The following KCNIP4 variants were observed in gnomAD, a reference collection of about 807,000 sequenced individuals.
KCNIP4 encodes the protein potassium voltage-gated channel interacting protein 4.
Under a neutral mutation model 34.0 loss-of-function variants are expected in KCNIP4, and 12 were observed. That is an observed-to-expected ratio of 0.35 (90% CI 0.23 to 0.57). KCNIP4 has a LOEUF of 0.57. KCNIP4 is among the 20% of genes least tolerant of loss of function. KCNIP4 has a pLI of 0.83. For synonymous variants in KCNIP4, 124 were observed against 102.2 expected, an observed-to-expected ratio of 1.21 and a Z score of -1.29; for missense variants, 238 against 311.7, an observed-to-expected ratio of 0.76 and a Z score of 1.78.
At chr4:21,902,526 A>G (rs187665250) in intron 1 of KCNIP4, among the ~76,000 whole-genome samples, 101 of 152,222 alleles carry the variant, frequency 6.6e-4, no homozygotes, top group Non-Finnish European at 1.2e-3. Context: ...GGAAAGAGAC[A>G]TTCCAGCTGA....
chr4:20,843,261 C>T (rs1197981910), intron 3 of KCNIP4, among the ~76,000 whole-genome samples: 1 of 152,086 alleles, frequency 6.6e-6, no homozygotes, highest in Non-Finnish European at 1.5e-5. Flanking sequence ...AAAATAATCT[C>T]TCCACACAGA....
intron 1 of KCNIP4, among the ~76,000 whole-genome samples, chr4:21,377,633 T>C (rs932885059): frequency 6.6e-6 from 1 of 152,196 alleles, no homozygotes; most frequent in Non-Finnish European, 1.5e-5. Context: ...GGTACATCAT[T>C]CTGCCTCATT....
At chr4:21,792,850 T>C (rs1720387073) in intron 1 of KCNIP4, among the ~76,000 whole-genome samples, 1 of 152,272 alleles carries the variant, frequency 6.6e-6, no homozygotes, top group Admixed American at 6.5e-5. Context: ...GAAGCATCCA[T>C]AGTTTCCTAT....
intron 1 of KCNIP4, among the ~76,000 whole-genome samples, chr4:21,356,255 C>T (rs150321404): frequency 1.3e-5 from 2 of 152,164 alleles, no homozygotes; most frequent in Admixed American, 6.5e-5. Context: ...CTTTGAAAAC[C>T]AGCATAAGAC....
At chr4:21,940,076 C>A (rs1466573400) in intron 1 of KCNIP4, among the ~76,000 whole-genome samples, 1 of 152,130 alleles carries the variant, frequency 6.6e-6, no homozygotes, top group Non-Finnish European at 1.5e-5. Flanking sequence ...ACTCTCCAAG[C>A]TTCCAAATCA....
intron 1 of KCNIP4, among the ~76,000 whole-genome samples, chr4:21,227,954 T>C (rs938330974): frequency 6.6e-6 from 1 of 152,216 alleles, no homozygotes; most frequent in African/African-American, 2.4e-5. Flanking sequence ...TTATTTTTTT[T>C]CTGTCCAATT....
At chr4:20,857,970 AGGCCGACG>A (rs1400185634) in intron 2 of KCNIP4, among the ~76,000 whole-genome samples, 1 of 151,944 alleles carries the variant, frequency 6.6e-6, no homozygotes, top group Admixed American at 6.6e-5. Context: ...GCACTTTGAG[AGGCCGACG>A]TGGGTGGATC....
Position 21,370,086 on chromosome 4 carries a change from C to T in KCNIP4, c.62-487377G>A, listed in dbSNP as rs939274951. On this transcript the variant is annotated intron_variant, in intron 1 of 8. Coordinates refer to ENST00000382152, the MANE Select transcript of KCNIP4 (RefSeq NM_025221.6). The stretch of plus-strand genomic sequence containing the variant: ...TCGTGATCCTCCCACCTCGGCCTCC[C>T]GAAGTGCTGGGATTACAGGCTTGAG... Among the ~76,000 whole-genome samples, 7 of 147,398 alleles carry T rather than the reference C, an allele frequency of 4.7e-5. 2 individuals carry two copies. The highest frequency in any genetic ancestry group is 1.1e-4 in the African/African-American group (4 of 37,000).
intron 1 of KCNIP4, among the ~76,000 whole-genome samples, chr4:20,957,637 G>A (rs986228130): frequency 6.6e-6 from 1 of 152,000 alleles, no homozygotes; most frequent in Non-Finnish European, 1.5e-5. Flanking sequence ...ATTCATTTCA[G>A]TGCCCATGAC....
intron 1 of KCNIP4, among the ~76,000 whole-genome samples, chr4:21,487,845 T>C (rs1352481406): frequency 2.0e-5 from 3 of 152,156 alleles, no homozygotes; most frequent in African/African-American, 7.2e-5. Flanking sequence ...TTGGCATCAT[T>C]GTAGATTTTT....
intron 1 of KCNIP4, among the ~76,000 whole-genome samples, chr4:21,752,664 G>A (rs1334540985): frequency 1.3e-5 from 2 of 152,160 alleles, no homozygotes; most frequent in East Asian, 1.9e-4. Flanking sequence ...TCAGAGGGTT[G>A]GGACTGATAT....
At chr4:21,623,872 G>T (rs746825048) in intron 1 of KCNIP4, among the ~76,000 whole-genome samples, 1 of 152,166 alleles carries the variant, frequency 6.6e-6, no homozygotes, top group Non-Finnish European at 1.5e-5. Flanking sequence ...GTTCTTTCTT[G>T]TTGGAGCAGC....
chr4:21,477,119 C>A (rs925508644), intron 1 of KCNIP4, among the ~76,000 whole-genome samples: 1 of 152,110 alleles, frequency 6.6e-6, no homozygotes, highest in Non-Finnish European at 1.5e-5. Flanking sequence ...AGTTCTGATC[C>A]ATGGGTTGAG....
intron 1 of KCNIP4, among the ~76,000 whole-genome samples, chr4:21,376,124 C>A (rs543064189): frequency 2.0e-5 from 3 of 152,116 alleles, no homozygotes; most frequent in African/African-American, 4.8e-5. Flanking sequence ...ATATCTTCTG[C>A]CTAAATTATT....
chr4:21,418,096 A>T (rs1725129371), intron 1 of KCNIP4, among the ~76,000 whole-genome samples: 2 of 152,196 alleles, frequency 1.3e-5, no homozygotes, highest in Middle Eastern at 3.4e-3. Flanking sequence ...TAGCCAGATA[A>T]CTTAAGTCTG....
chr4:21,233,088 A>T (rs1758916387), intron 1 of KCNIP4, among the ~76,000 whole-genome samples: 1 of 152,186 alleles, frequency 6.6e-6, no homozygotes, highest in Admixed American at 6.6e-5. Flanking sequence ...AAAACGGGTC[A>T]CTTGCTAGGT....
intron 1 of KCNIP4, chr4:21,730,203 A>C (rs1715487914): frequency 1.3e-5 from 2 of 152,210 alleles, no homozygotes; most frequent in African/African-American, 2.4e-5. Context: ...CTGGCTCAGT[A>C]TCACCCAGTG....
intron 1 of KCNIP4, among the ~76,000 whole-genome samples, chr4:21,382,205 T>C (rs62294136): frequency 0.017 from 2,596 of 152,240 alleles, 37 homozygotes; most frequent in Non-Finnish European, 0.024. Flanking sequence ...ACAGAGGTCA[T>C]TGAAAGAGAC....
At chr4:21,103,714 C>A (rs1480141992) in intron 1 of KCNIP4, among the ~76,000 whole-genome samples, 1 of 149,606 alleles carries the variant, frequency 6.7e-6, no homozygotes, top group Non-Finnish European at 1.5e-5. Context: ...AGGTATATCT[C>A]CTAATGCTAT....
Sources: gnomAD v4.1 joint callset for allele counts (sites outside exome capture counted in the v4.1 genomes callset) on GRCh38, gnomAD v4.1.1 for gene constraint, MANE v1.5 for transcripts, NCBI Gene and HGNC (gene_info 2026-07-23, HGNC 2026-07-21) for gene names.